XPNPEP1: variants seen among roughly 807,000 people sequenced by gnomAD.
The protein encoded by XPNPEP1 is X-prolyl aminopeptidase 1.
Under a neutral mutation model 92.4 loss-of-function variants are expected in XPNPEP1, and 39 were observed. The observed-to-expected ratio is 0.42, with a 90% confidence interval of 0.33 to 0.55. The LOEUF is 0.55. XPNPEP1 is among the 20% of genes least tolerant of loss of function. The pLI, the probability that XPNPEP1 is intolerant of heterozygous loss-of-function variation, is 0.08. For synonymous variants in XPNPEP1, 307 were observed against 299.4 expected, an observed-to-expected ratio of 1.03 and a Z score of -0.26; for missense variants, 654 against 856.1, an observed-to-expected ratio of 0.76 and a Z score of 2.95.
chr10:109,888,321 T>C, intron 6 of XPNPEP1, 129 bp from the exon 7 acceptor site: 1 of 1,362,812 alleles, frequency 7.3e-7, no homozygotes. Flanking sequence ...GTGTGCAGGA[T>C]GAGGAACTGT....
rs764819740 is a variant in XPNPEP1 at position 109,886,314 on chromosome 10, T to G, written c.680A>C (p.Asp227Ala). Reference protein sequence around the residue: ...TGISWKDKVADLRLKMAERNV... With the variant: ...TGISWKDKVAALRLKMAERNV... ...CCTCTCAGCCATTTTCAACCGAAGG[T>G]CTGCAACCTTGTCCTTCCAGGAGAT... is the stretch of plus-strand genomic sequence containing the variant. The change falls in exon 8 of 21, where the codon GAC (aspartate) becomes GCC (alanine). Residue 227 changes from aspartate to alanine, a missense_variant. Transcript: ENST00000502935. The G allele has an allele frequency of 3.1e-6, 5 of 1,614,054 alleles. No individual in the cohort carries two copies. The East Asian group carries it at 8.9e-5, about 29-fold the overall frequency.
At chr10:109,896,242 T>G (rs1848979775) in intron 3 of XPNPEP1, among the ~76,000 whole-genome samples, 1 of 152,052 alleles carries the variant, frequency 6.6e-6, no homozygotes, top group Non-Finnish European at 1.5e-5. Context: ...TTTAAGTCTC[T>G]GTATAGCACA....
chr10:109,915,968 AC>A (rs1373613230), intron 1 of XPNPEP1, among the ~76,000 whole-genome samples: 1 of 152,238 alleles, frequency 6.6e-6, no homozygotes, highest in Non-Finnish European at 1.5e-5. Flanking sequence ...TATTCTGGAC[AC>A]AACAGTGAAC....
Position 109,871,041 on chromosome 10 carries a change from G to A in XPNPEP1, c.1523-137C>T, listed in dbSNP as rs1847439109. ...GGTTCAGATTTCAGCACAGCACAAG[G>A]AAGAACTTTCTAACAATCAGAGCTC... On this transcript the variant is annotated intron_variant, in intron 17 of 20. Transcript: ENST00000502935. 9 of 981,832 alleles carry A rather than the reference G, an allele frequency of 9.2e-6. No homozygotes were observed. The South Asian group carries it at 1.2e-4, about 13-fold the overall frequency. 60.8% of individuals were successfully genotyped at this position (981,832 alleles called of 1,614,324 possible).
intron 6 of XPNPEP1, 60 bp from the exon 7 acceptor site, chr10:109,888,252 G>T: frequency 1.3e-6 from 2 of 1,573,018 alleles, no homozygotes; most frequent in Non-Finnish European, 1.7e-6. Context: ...AGGGCAGGGA[G>T]CAGGGCCTTG....
intron 1 of XPNPEP1, among the ~76,000 whole-genome samples, chr10:109,918,208 G>A (rs1312281782): frequency 1.3e-5 from 2 of 151,310 alleles, no homozygotes; most frequent in Non-Finnish European, 1.5e-5. Flanking sequence ...GACTGCCTGA[G>A]TCCCAGGGTT....
rs762244953 is a variant in XPNPEP1, at chr10:109,907,744, A to C, written c.193T>G (p.Tyr65Asp). ...QLRQAMRNSE[Y>D]VTEPIQAYII... The stretch of plus-strand genomic sequence containing the variant: ...TAGGCCTGGATCGGTTCGGTCACAT[A>C]CTCAGAGTTCCTCATGGCTTGTCTC... Residue 65 changes from tyrosine to aspartate, a missense_variant, in exon 3 of 21, where the codon TAT becomes GAT. Physicochemically the swap from Tyr to Asp is radical, Grantham distance 160. Coordinates refer to ENST00000502935, the MANE Select transcript of XPNPEP1 (RefSeq NM_020383.4). The C allele has an allele frequency of 2.1e-5, 34 of 1,614,206 alleles. No individual in the cohort carries two copies. Among genetic ancestry groups the C allele is most frequent in the Non-Finnish European group, 2.9e-5 (34 of 1,180,024 alleles).
chr10:109,882,459 G>A lies in XPNPEP1; in HGVS notation c.1014C>T (p.Ser338=). The change falls in exon 10 of 21, where the codon AGC becomes AGT. Residue 338 remains serine, a synonymous_variant. Transcript: ENST00000502935. ...REKVWVSDKA[S]YAVSETIPKD... is the part of the protein sequence containing the mutation. ...TGGGGATGGTCTCGCTCACAGCATA[G>A]CTGGCCTTGTCACTGACCCACACCT... 1 of 1,614,180 alleles carries A rather than the reference G, an allele frequency of 6.2e-7. No homozygotes were observed. The highest frequency in any genetic ancestry group is 8.5e-7 in the Non-Finnish European group (1 of 1,180,000).
intron 1 of XPNPEP1, among the ~76,000 whole-genome samples, chr10:109,921,523 C>T (rs1850539997): frequency 6.6e-6 from 1 of 152,198 alleles, no homozygotes. Context: ...CCCCTGCAAC[C>T]CCCAGTTCAT....
At chr10:109,877,618 T>C in intron 14 of XPNPEP1, 172 bp downstream of exon 14, 1 of 812,906 alleles carries the variant, frequency 1.2e-6, no homozygotes, top group Non-Finnish European at 1.9e-6. Flanking sequence ...GGCAGAGGCT[T>C]GGGGATTGGG....
At chr10:109,873,295 C>G in intron 16 of XPNPEP1, 72 bp downstream of exon 16, 1 of 1,574,408 alleles carries the variant, frequency 6.4e-7, no homozygotes, top group South Asian at 1.1e-5. Context: ...TTTATACAAT[C>G]CCTTTTCATA....
chr10:109,896,369 G>A (rs982261847), intron 3 of XPNPEP1, among the ~76,000 whole-genome samples: 2 of 145,082 alleles, frequency 1.4e-5, no homozygotes, highest in African/African-American at 5.1e-5. Flanking sequence ...TCCTTGACCT[G>A]TCAGGTTCAA....
Position 109,865,271 on chromosome 10 carries a change from C to G in XPNPEP1, c.1914G>C (p.Val638=), listed in dbSNP as rs746467816. 1.9e-6 allele frequency: 3 copies of G among 1,614,200 alleles called. No individual in the cohort carries two copies. Among genetic ancestry groups the G allele is most frequent in the Non-Finnish European group, 2.5e-6 (3 of 1,180,050 alleles). ...LNNYHLTCRD[V]IGKELQKQGR... is the part of the protein sequence containing the mutation. ...CCTGTTTCTGCAATTCCTTCCCAAT[C>G]ACATCCCTGCAGGTCAGGTGGTAAT... The change falls in exon 21 of 21, where the codon GTG becomes GTC. Residue 638 remains valine (V), a synonymous_variant. Coordinates refer to ENST00000502935, the MANE Select transcript of XPNPEP1 (RefSeq NM_020383.4).
intron 3 of XPNPEP1, among the ~76,000 whole-genome samples, chr10:109,900,699 T>C (rs935199873): frequency 5.3e-5 from 8 of 152,168 alleles, no homozygotes; most frequent in Non-Finnish European, 1.0e-4. Context: ...GGTTTCTCAA[T>C]TCCCAGAGTC....
At chr10:109,877,157 A>G (rs1464636742) in intron 14 of XPNPEP1, 1 of 152,536 alleles carries the variant, frequency 6.6e-6, no homozygotes. Context: ...CCAAGAAAGA[A>G]AACTACTCAA....
chr10:109,871,682 G>T (rs1409476951), intron 17 of XPNPEP1, 110 bp downstream of exon 17: 14 of 1,268,770 alleles, frequency 1.1e-5, no homozygotes, highest in Non-Finnish European at 1.4e-5. Context: ...GCCTGAAGTG[G>T]GATGGGGACC....
chr10:109,922,073 G>C (rs937645166), intron 1 of XPNPEP1, among the ~76,000 whole-genome samples: 1 of 152,204 alleles, frequency 6.6e-6, no homozygotes, highest in Non-Finnish European at 1.5e-5. Flanking sequence ...CTAGAAGCCA[G>C]CTCAACCCCA....
At chr10:109,871,029 G>A in intron 17 of XPNPEP1, 125 bp from the exon 18 acceptor site, 2 of 1,120,104 alleles carry the variant, frequency 1.8e-6, no homozygotes, top group East Asian at 2.6e-5. Flanking sequence ...TCAGATTTCA[G>A]CACAGCACAA....
intron 7 of XPNPEP1, among the ~76,000 whole-genome samples, chr10:109,886,555 T>C (rs1227812051): frequency 6.6e-6 from 1 of 152,230 alleles, no homozygotes; most frequent in East Asian, 1.9e-4. Context: ...GTAAAATTCA[T>C]TCATTTACGC....
Sources: gnomAD v4.1 joint callset for allele counts (sites outside exome capture counted in the v4.1 genomes callset) on GRCh38, gnomAD v4.1.1 for gene constraint, MANE v1.5 for transcripts, NCBI Gene and HGNC (gene_info 2026-07-23, HGNC 2026-07-21) for gene names.